Variants in ANKRD27 observed in about 807,000 individuals in gnomAD.
The protein encoded by ANKRD27 is ankyrin repeat domain 27, also known as ankyrin repeat domain-containing protein 27.
Under a neutral mutation model 129.7 loss-of-function variants are expected in ANKRD27, and 112 were observed. The observed-to-expected ratio is 0.86, with a 90% confidence interval of 0.74 to 1.01. The LOEUF is 1.01. ANKRD27 is among the 50% of genes least tolerant of loss of function. ANKRD27 has a pLI of 0.00. For missense variants in ANKRD27, 1,258 were observed against 1,300.5 expected, an observed-to-expected ratio of 0.97 and a Z score of 0.50; for synonymous variants, 516 against 511.2, an observed-to-expected ratio of 1.01 and a Z score of -0.13.
chr19:32,631,517 A>G (rs1361032180), intron 12 of ANKRD27, 23 bp from the exon 13 acceptor site: 1 of 1,593,484 alleles, frequency 6.3e-7, no homozygotes, highest in Non-Finnish European at 8.6e-7. Flanking sequence ...AACCAAACAC[A>G]CCACGAGATG....
Position 32,639,467 on chromosome 19 carries a change from G to A in ANKRD27, c.1005C>T (p.Ile335=). 1 of 1,613,198 alleles carries A rather than the reference G, an allele frequency of 6.2e-7. No individual in the cohort carries two copies. The highest frequency in any genetic ancestry group is 8.5e-7 in the Non-Finnish European group (1 of 1,179,578). ...IPNWMANLSY[I]KNFRFSSLAK... ...CCAAGCTGCTAAACCTGAAGTTTTT[G>A]ATGTAACTCAAATTTGCCATCCTAA... is the stretch of plus-strand genomic sequence containing the variant. Residue 335 remains isoleucine (I), a synonymous_variant, in exon 12 of 29, where the codon ATC becomes ATT. Coordinates refer to ENST00000306065, the MANE Select transcript of ANKRD27 (RefSeq NM_032139.3).
chr19:32,647,440 G>A (rs774826421), intron 3 of ANKRD27, among the ~76,000 whole-genome samples: 8 of 152,320 alleles, frequency 5.3e-5, no homozygotes, highest in Non-Finnish European at 8.8e-5. Flanking sequence ...CTTTTAAAGC[G>A]GAAGCAGGTA....
intron 1 of ANKRD27, among the ~76,000 whole-genome samples, chr19:32,671,818 A>T (rs1967875864): frequency 6.6e-6 from 1 of 152,234 alleles, no homozygotes; most frequent in African/African-American, 2.4e-5. Flanking sequence ...AAAAAATTCC[A>T]TCCCTGCCTG....
At chr19:32,626,043 G>A in intron 16 of ANKRD27, 77 bp from the exon 17 acceptor site, 1 of 1,174,548 alleles carries the variant, frequency 8.5e-7, no homozygotes, top group African/African-American at 1.5e-5. Context: ...TTAGCAGGGG[G>A]AGGTCATTTG....
rs963911259 is a variant in ANKRD27, at chr19:32,641,931, C to G, written c.904+93G>C. ...TACAGAGGTGAGCCACTGCACCCAGCCCCATAAAAATCCCTTAAGACAGCA... is the reference window on the plus strand; with the variant it reads ...TACAGAGGTGAGCCACTGCACCCAGGCCCATAAAAATCCCTTAAGACAGCA... On this transcript the variant is annotated intron_variant, in intron 10 of 28. Transcript: ENST00000306065. The G allele has an allele frequency of 1.1e-5, 16 of 1,435,560 alleles. No homozygotes were observed. In the African/African-American group the frequency reaches 2.1e-4, roughly 19 times the overall value. 88.9% of individuals were successfully genotyped at this position (1,435,560 alleles called of 1,614,324 possible).
intron 5 of ANKRD27, 25 bp downstream of exon 5, chr19:32,644,300 G>C: frequency 6.2e-7 from 1 of 1,603,398 alleles, no homozygotes; most frequent in Non-Finnish European, 8.5e-7. Flanking sequence ...GGGCACGCCA[G>C]GCAGAGGACA....
At chr19:32,631,354 C>G in intron 13 of ANKRD27, 48 bp downstream of exon 13, 1 of 1,515,048 alleles carries the variant, frequency 6.6e-7, no homozygotes, top group Non-Finnish European at 9.2e-7. Flanking sequence ...CCAAGAGATG[C>G]AGTGTTCCTC....
intron 25 of ANKRD27, among the ~76,000 whole-genome samples, chr19:32,603,837 C>T (rs1460887146): frequency 6.6e-6 from 1 of 152,200 alleles, no homozygotes; most frequent in Non-Finnish European, 1.5e-5. Context: ...CTGTGCCTGG[C>T]CTCAAGGAGT....
At chr19:32,629,354 G>A (rs112814444) in intron 13 of ANKRD27, among the ~76,000 whole-genome samples, 1,942 of 152,146 alleles carry the variant, frequency 0.013, 45 homozygotes, top group African/African-American at 0.044. Context: ...ATGGTGGCCG[G>A]CTCATTCTAC....
At chr19:32,673,982 CAAAAAA>C (rs59398609) in intron 1 of ANKRD27, among the ~76,000 whole-genome samples, 4 of 110,980 alleles carry the variant, frequency 3.6e-5, no homozygotes, top group Non-Finnish European at 3.7e-5. Context: ...TCCATCTCTA[CAAAAAA>C]AAAAAAAAAA....
At chr19:32,647,953 T>G (rs1299765636) in intron 3 of ANKRD27, among the ~76,000 whole-genome samples, 1 of 152,178 alleles carries the variant, frequency 6.6e-6, no homozygotes, top group Non-Finnish European at 1.5e-5. Flanking sequence ...AGCTCAATGT[T>G]TTTTCTGTTG....
At position 32,643,110 on chromosome 19, in the gene ANKRD27, C is replaced by T. The variant is rs747797363; in HGVS notation, c.782+13G>A. ...CTCTGAGGACACCAAGCCGCTGTGG[C>T]GCAAACCCTTACCTGAACTCCGGTT... On this transcript the variant is annotated intron_variant, in intron 9 of 28. Coordinates refer to ENST00000306065, the MANE Select transcript of ANKRD27 (RefSeq NM_032139.3). 8 of 1,613,344 alleles carry T rather than the reference C, an allele frequency of 5.0e-6. No homozygotes were observed. The highest frequency in any genetic ancestry group is 3.3e-5 in the Admixed American group (2 of 59,966).
intron 2 of ANKRD27, among the ~76,000 whole-genome samples, chr19:32,651,516 T>A (rs1967415815): frequency 6.6e-6 from 1 of 152,094 alleles, no homozygotes; most frequent in African/African-American, 2.4e-5. Context: ...ACTACAGGCG[T>A]CCGCCACCAC....
chr19:32,622,359 C>A, intron 18 of ANKRD27, 63 bp downstream of exon 18: 1 of 1,577,608 alleles, frequency 6.3e-7, no homozygotes, highest in South Asian at 1.1e-5. Context: ...AGGCCAAGAC[C>A]TAAGCTACGG....
intron 15 of ANKRD27, 94 bp downstream of exon 15, chr19:32,627,989 C>T: frequency 8.5e-7 from 1 of 1,172,536 alleles, no homozygotes; most frequent in Non-Finnish European, 1.2e-6. Context: ...TGCCAACCCC[C>T]ACCCAGCCCA....
intron 21 of ANKRD27, among the ~76,000 whole-genome samples, 182 bp from the exon 22 acceptor site, chr19:32,615,962 C>T (rs1971911902): frequency 1.3e-5 from 2 of 152,180 alleles, no homozygotes; most frequent in African/African-American, 4.8e-5. Context: ...CACTTCACAG[C>T]TTATGCCAGA....
intron 4 of ANKRD27, among the ~76,000 whole-genome samples, chr19:32,645,445 T>C (rs927961988): frequency 1.3e-5 from 2 of 151,622 alleles, no homozygotes; most frequent in Non-Finnish European, 2.9e-5. Context: ...ATAATTTATT[T>C]TATTGTTTTT....
In ANKRD27 at chr19:32,643,626, T is replaced by G. The variant is rs1190957044; in HGVS notation, c.531A>C (p.Ser177=). 1 of 1,613,996 alleles carries G rather than the reference T, an allele frequency of 6.2e-7. No homozygotes were observed. The part of the protein sequence containing the change: ...ERKSLRHHID[S]ANALYTKCLQ... ...GGCATTTGGTGTAGAGAGCATTCGC[T>G]GAGTCCTAAACCACATAGAGCAGAG... The change falls in exon 6 of 29, where the codon TCA becomes TCC. Residue 177 remains serine, a synonymous_variant. Transcript: ENST00000306065.
chr19:32,618,477 T>G (rs1485301958), intron 20 of ANKRD27, among the ~76,000 whole-genome samples: 1 of 134,338 alleles, frequency 7.4e-6, no homozygotes, highest in Non-Finnish European at 1.6e-5. Flanking sequence ...AAAAAAGAAA[T>G]ACTGAACTCA....
Sources: allele counts gnomAD v4.1 joint callset (sites outside exome capture counted in the v4.1 genomes callset), GRCh38; gene constraint gnomAD v4.1.1; transcripts MANE v1.5; gene names NCBI Gene and HGNC (gene_info 2026-07-23, HGNC 2026-07-21).